PCDH15: variants seen among roughly 807,000 people sequenced by gnomAD.
PCDH15 encodes the protein protocadherin related 15.
Under a neutral mutation model 178.5 loss-of-function variants are expected in PCDH15, and 129 were observed. The observed-to-expected ratio is 0.72, with a 90% CI of 0.63 to 0.84. The LOEUF (loss-of-function observed/expected upper bound fraction) is 0.84, where lower values mean the gene tolerates loss of function less well. PCDH15 is among the 40% of genes least tolerant of loss of function. The pLI is 0.00. For missense variants in PCDH15, 2,230 were observed against 2,099.9 expected, an observed-to-expected ratio of 1.06 and a Z score of -1.21; for synonymous variants, 800 against 732.0, an observed-to-expected ratio of 1.09 and a Z score of -1.50.
At chr10:55,352,645 C>T (rs547433099) in intron 2 of PCDH15, among the ~76,000 whole-genome samples, 3 of 151,932 alleles carry the variant, frequency 2.0e-5, no homozygotes, top group African/African-American at 4.8e-5. Flanking sequence ...ATGAGCTGAG[C>T]GAAAATCAAA....
chr10:55,047,826 C>G (rs1021777609), intron 2 of PCDH15, among the ~76,000 whole-genome samples: 54 of 151,710 alleles, frequency 3.6e-4, no homozygotes, highest in African/African-American at 8.7e-4. Context: ...GAGGCTTCAT[C>G]ATAATTTCAG....
chr10:55,411,353 T>C (rs1457451220), intron 2 of PCDH15, among the ~76,000 whole-genome samples: 2 of 152,102 alleles, frequency 1.3e-5, no homozygotes, highest in African/African-American at 4.8e-5. Context: ...TTTACTATAA[T>C]TGTGAACTAA....
chr10:54,094,837 G>C (rs2094670616), intron 15 of PCDH15, among the ~76,000 whole-genome samples: 1 of 152,050 alleles, frequency 6.6e-6, no homozygotes, highest in Non-Finnish European at 1.5e-5. Context: ...CACTCAACCA[G>C]ATTACTTGCA....
chr10:55,444,934 A>G (rs1043695151), intron 2 of PCDH15, among the ~76,000 whole-genome samples: 1 of 152,138 alleles, frequency 6.6e-6, no homozygotes, highest in African/African-American at 2.4e-5. Flanking sequence ...GGAAAATAGG[A>G]ACTAAGCTGA....
chr10:53,905,046 C>A (rs1223339096), intron 25 of PCDH15: 2 of 407,910 alleles, frequency 4.9e-6, no homozygotes, highest in Non-Finnish European at 9.9e-6. Context: ...TCCCTTACCT[C>A]CCAACCCTAA....
intron 2 of PCDH15, among the ~76,000 whole-genome samples, chr10:55,402,154 C>T (rs894166452): frequency 2.7e-5 from 4 of 150,906 alleles, no homozygotes; most frequent in Non-Finnish European, 4.4e-5. Context: ...GCAAAATAAG[C>T]CCATTTTGTT....
chr10:55,463,973 G>GAGAA, intron 2 of PCDH15, among the ~76,000 whole-genome samples: 1 of 11,768 alleles, frequency 8.5e-5, no homozygotes, highest in South Asian at 3.0e-3. Context: ...AAGAAAGAAA[G>GAGAA]AGAAAGAAAG....
chr10:55,369,783 A>C (rs148357100), intron 2 of PCDH15, among the ~76,000 whole-genome samples: 1 of 152,144 alleles, frequency 6.6e-6, no homozygotes, highest in East Asian at 1.9e-4. Context: ...CAGAATAAAC[A>C]TGTAATTGGT....
chr10:54,331,346 T>C (rs1250118834), intron 6 of PCDH15, among the ~76,000 whole-genome samples: 2 of 152,064 alleles, frequency 1.3e-5, no homozygotes, highest in East Asian at 1.9e-4. Context: ...AATTAATATA[T>C]ATTTTTAAAT....
chr10:55,449,692 T>C (rs2132079314), intron 2 of PCDH15, among the ~76,000 whole-genome samples: 1 of 152,254 alleles, frequency 6.6e-6, no homozygotes, highest in South Asian at 2.1e-4. Context: ...CTGAGATACC[T>C]ATTAGGACTA....
At chr10:54,500,160 T>A (rs1163714208) in intron 3 of PCDH15, among the ~76,000 whole-genome samples, 1 of 152,070 alleles carries the variant, frequency 6.6e-6, no homozygotes, top group East Asian at 1.9e-4. Context: ...ATTAAAGCAG[T>A]TGGAGGTCAT....
In PCDH15 at chr10:55,047,576, A is replaced by G. The variant is rs140566687; in HGVS notation, c.-80+119000T>C. Reference sequence around the variant, plus strand: ...TAAAGTGTAGTCAGGAAAAAGTAGGAATAAAGAGGGGGAAGTGACAAGCAC... The same window carrying G: ...TAAAGTGTAGTCAGGAAAAAGTAGGGATAAAGAGGGGGAAGTGACAAGCAC... On this transcript the variant is annotated intron_variant, in intron 2 of 5. Transcript: ENST00000458638. 5.3e-5 allele frequency among the ~76,000 whole-genome samples: 8 copies of G among 151,966 alleles called. No homozygotes were observed. The East Asian group carries it at 1.5e-3, about 29-fold the overall frequency.
chr10:53,808,310 A>AACAT (rs913040770), intron 37 of PCDH15: 4 of 514,312 alleles, frequency 7.8e-6, no homozygotes, highest in Non-Finnish European at 7.4e-6. Flanking sequence ...ATGATATAAA[A>AACAT]ACATATATAG....
intron 28 of PCDH15, among the ~76,000 whole-genome samples, chr10:53,849,623 G>T (rs1387855596): frequency 6.6e-6 from 1 of 152,008 alleles, no homozygotes; most frequent in Non-Finnish European, 1.5e-5. Context: ...CCAGCACTTT[G>T]GGAGGCTGAG....
chr10:55,079,657 A>C (rs958707626), intron 2 of PCDH15, among the ~76,000 whole-genome samples: 9 of 152,258 alleles, frequency 5.9e-5, no homozygotes, highest in Admixed American at 5.2e-4. Flanking sequence ...CTGGACAGCT[A>C]GTGTGGCATG....
chr10:54,721,698 T>C (rs1591279459), intron 1 of PCDH15, among the ~76,000 whole-genome samples: 2 of 151,874 alleles, frequency 1.3e-5, no homozygotes, highest in South Asian at 4.1e-4. Context: ...AATAGACCCA[T>C]AATGACTAAC....
chr10:55,504,167 G>A (rs866761724), intron 2 of PCDH15, among the ~76,000 whole-genome samples: 6 of 150,976 alleles, frequency 4.0e-5, no homozygotes, highest in East Asian at 2.0e-4. Flanking sequence ...TATGCATTCC[G>A]GATGCTAATG....
chr10:54,514,344 A>C (rs2081998310), intron 3 of PCDH15, among the ~76,000 whole-genome samples: 1 of 152,110 alleles, frequency 6.6e-6, no homozygotes, highest in Non-Finnish European at 1.5e-5. Flanking sequence ...GCCAACAATA[A>C]TAAAGACTTT....
chr10:54,050,315 C>T (rs1313921991), intron 18 of PCDH15, among the ~76,000 whole-genome samples: 8 of 152,110 alleles, frequency 5.3e-5, no homozygotes, highest in Non-Finnish European at 1.2e-4. Flanking sequence ...AGGAATTTAT[C>T]CATTTCATCT....
Sources: gnomAD v4.1 joint callset for allele counts (sites outside exome capture counted in the v4.1 genomes callset) on GRCh38, gnomAD v4.1.1 for gene constraint, MANE v1.5 for transcripts, NCBI Gene and HGNC (gene_info 2026-07-23, HGNC 2026-07-21) for gene names.